NKAIN3: variants seen among roughly 807,000 people sequenced by gnomAD.
NKAIN3 encodes sodium/potassium transporting ATPase interacting 3.
In NKAIN3, 25 loss-of-function variants were observed where a neutral mutation model predicts 30.2. The ratio of observed to expected loss-of-function variants is 0.83; its 90% CI spans 0.60 to 1.16. The LOEUF (loss-of-function observed/expected upper bound fraction) is 1.16. Among genes scored for constraint, NKAIN3 ranks in the 50% most tolerant of loss-of-function variants. NKAIN3 has a pLI of 0.00. For missense variants in NKAIN3, 225 were observed against 254.1 expected, an observed-to-expected ratio of 0.89 and a Z score of 0.78; for synonymous variants, 91 against 89.6, an observed-to-expected ratio of 1.02 and a Z score of -0.09.
intron 4 of NKAIN3, among the ~76,000 whole-genome samples, chr8:62,881,425 C>G (rs376042993): frequency 6.6e-6 from 1 of 152,112 alleles, no homozygotes; most frequent in Non-Finnish European, 1.5e-5. Flanking sequence ...GTAATGTGCA[C>G]TTAAGTTTCC....
intron 3 of NKAIN3, among the ~76,000 whole-genome samples, chr8:62,626,976 A>T (rs1315595036): frequency 6.6e-6 from 1 of 152,164 alleles, no homozygotes; most frequent in African/African-American, 2.4e-5. Context: ...TGATTTGCAC[A>T]TGCTACAGCT....
rs371611241 is a variant in NKAIN3 at position 62,587,134 on chromosome 8, G to A, written c.193-2580G>A. ...TGGTTATCCCAATGCTTCCTGCCTA[G>A]CTAAATTTCTATGGCCATATTTGTA... On this transcript the variant is annotated intron_variant, in intron 2 of 6. Coordinates refer to ENST00000623646, the MANE Select transcript of NKAIN3 (RefSeq NM_001304533.3). Among the ~76,000 whole-genome samples, 27 of 151,988 alleles carry A rather than the reference G, an allele frequency of 1.8e-4. No individual in the cohort carries two copies. In the East Asian group the frequency reaches 4.3e-3, roughly 24 times the overall value.
intron 1 of NKAIN3, among the ~76,000 whole-genome samples, chr8:62,395,230 C>A (rs577687332): frequency 1.5e-5 from 2 of 133,828 alleles, no homozygotes; most frequent in East Asian, 2.4e-4. Flanking sequence ...GAGGGAGGTG[C>A]GGGGAGAGGT....
chr8:62,896,360 T>A (rs958340702), intron 4 of NKAIN3, among the ~76,000 whole-genome samples: 1 of 152,144 alleles, frequency 6.6e-6, no homozygotes, highest in South Asian at 2.1e-4. Context: ...GATTAGAGTT[T>A]GAACATGTAC....
intron 1 of NKAIN3, among the ~76,000 whole-genome samples, chr8:62,333,896 T>C (rs1815440062): frequency 6.6e-6 from 1 of 152,208 alleles, no homozygotes; most frequent in African/African-American, 2.4e-5. Flanking sequence ...ATTTTATCCC[T>C]TTTTATGACT....
intron 4 of NKAIN3, among the ~76,000 whole-genome samples, chr8:62,871,442 A>G (rs2130802587): frequency 6.6e-6 from 1 of 152,072 alleles, no homozygotes; most frequent in East Asian, 1.9e-4. Context: ...ACAAACAATA[A>G]AAGCCATTCC....
intron 6 of NKAIN3, 132 bp downstream of exon 6, chr8:62,954,104 T>C (rs1823354401): frequency 2.5e-5 from 4 of 157,846 alleles, no homozygotes; most frequent in Non-Finnish European, 5.5e-5. Context: ...AAAACACACC[T>C]TTCACATGTA....
At chr8:62,541,246 G>A (rs1010151231) in intron 1 of NKAIN3, among the ~76,000 whole-genome samples, 4 of 152,112 alleles carry the variant, frequency 2.6e-5, no homozygotes, top group African/African-American at 9.7e-5. Flanking sequence ...GAACCTGGGA[G>A]GGGGGAGGAT....
intron 5 of NKAIN3, among the ~76,000 whole-genome samples, chr8:62,933,102 G>T (rs1289950728): frequency 6.6e-6 from 1 of 151,904 alleles, no homozygotes; most frequent in Non-Finnish European, 1.5e-5. Context: ...TGCTCTGCTG[G>T]ATGATGTGGA....
intron 1 of NKAIN3, among the ~76,000 whole-genome samples, chr8:62,345,977 C>T (rs1815992560): frequency 6.6e-6 from 1 of 152,032 alleles, no homozygotes. Context: ...CACAGAAAGA[C>T]AAACATCATA....
intron 1 of NKAIN3, among the ~76,000 whole-genome samples, chr8:62,561,265 C>T (rs943840511): frequency 6.6e-6 from 1 of 152,140 alleles, no homozygotes; most frequent in Non-Finnish European, 1.5e-5. Context: ...GCCATCTTCT[C>T]TCCACTTTTT....
intron 6 of NKAIN3, among the ~76,000 whole-genome samples, chr8:62,959,750 C>T (rs759944361): frequency 7.9e-5 from 12 of 152,144 alleles, no homozygotes; most frequent in Non-Finnish European, 1.8e-4. Flanking sequence ...TCTCACTGTT[C>T]CCACTACTAA....
chr8:62,615,418 G>A (rs1811422266), intron 3 of NKAIN3, among the ~76,000 whole-genome samples: 2 of 152,048 alleles, frequency 1.3e-5, no homozygotes, highest in South Asian at 2.1e-4. Context: ...TTGGAGTGGC[G>A]AGCTGTGAAG....
chr8:62,935,268 C>T (rs1283945466), intron 5 of NKAIN3, among the ~76,000 whole-genome samples: 1 of 152,116 alleles, frequency 6.6e-6, no homozygotes. Flanking sequence ...ATTATGTAAT[C>T]CTACATTAGA....
rs116472193 is a variant in NKAIN3, at chr8:62,864,909, C to T, written c.472-53544C>T. On this transcript the variant is annotated intron_variant, in intron 4 of 6. Coordinates refer to ENST00000623646, the MANE Select transcript of NKAIN3 (RefSeq NM_001304533.3). ...TTTTAATAGGAGAGGGATACAGCAC[C>T]CCTGCGGACATCTGGAGCGCGGCGT... 7.5e-3 allele frequency among the ~76,000 whole-genome samples: 1,143 copies of T among 152,140 alleles called. 9 individuals carry two copies. The highest frequency in any genetic ancestry group is 0.026 in the African/African-American group (1,082 of 41,482).
chr8:62,347,811 C>T (rs73684963), intron 1 of NKAIN3, among the ~76,000 whole-genome samples: 6,076 of 152,012 alleles, frequency 0.04, 420 homozygotes, highest in African/African-American at 0.14. Flanking sequence ...AAAATGACAA[C>T]GGGAAAGCAA....
At chr8:62,985,912 A>G (rs1824190670), downstream of NKAIN3, among the ~76,000 whole-genome samples, 1 of 152,248 alleles carries the variant, frequency 6.6e-6, no homozygotes, top group Non-Finnish European at 1.5e-5. Context: ...GCACAACAAC[A>G]TAAAAATTCA....
intron 2 of NKAIN3, among the ~76,000 whole-genome samples, chr8:62,587,100 T>C (rs1316722374): frequency 6.6e-6 from 1 of 151,986 alleles, no homozygotes; most frequent in Admixed American, 6.6e-5. Context: ...AGGCAGTCTC[T>C]TTGGCCATTG....
chr8:62,692,408 G>C (rs185691337), intron 3 of NKAIN3, among the ~76,000 whole-genome samples: 2 of 152,206 alleles, frequency 1.3e-5, no homozygotes, highest in East Asian at 3.9e-4. Context: ...TTCTATAAAG[G>C]GCAAAGAGAA....
Sources: allele counts gnomAD v4.1 joint callset (sites outside exome capture counted in the v4.1 genomes callset), GRCh38; gene constraint gnomAD v4.1.1; transcripts MANE v1.5; gene names NCBI Gene and HGNC (gene_info 2026-07-23, HGNC 2026-07-21).